CFAP47: variants seen among roughly 807,000 people sequenced by gnomAD.
CFAP47 encodes the protein cilia and flagella associated protein 47, also known as cilia- and flagella-associated protein 47.
A neutral mutation model predicts 148.1 loss-of-function variants in CFAP47; 29 were observed. The observed-to-expected ratio is 0.20, with a 90% CI of 0.15 to 0.27. CFAP47 has a LOEUF of 0.27. CFAP47 is among the 10% of genes least tolerant of loss of function. The pLI is 1.00. For missense variants in CFAP47, 1,872 were observed against 1,697.5 expected (o/e 1.10, Z -1.81); for synonymous variants, 664 against 577.3 (o/e 1.15, Z -2.15).
At chrX:35,985,423 T>C (rs1025725846) in intron 15 of CFAP47, among the ~76,000 whole-genome samples, 2 of 111,066 alleles carry the variant, frequency 1.8e-5, no homozygotes, top group Non-Finnish European at 3.8e-5. Flanking sequence ...CCTGCACACA[T>C]GTCCTGGCAA....
intron 61 of CFAP47, among the ~76,000 whole-genome samples, chrX:36,364,995 T>A (rs1423352482): frequency 1.0e-5 from 1 of 99,006 alleles, no homozygotes; most frequent in African/African-American, 3.6e-5. Context: ...CCAAATTAAT[T>A]TGGAATGGTT....
At chrX:36,083,754 TAAAC>T (rs1415422708) in intron 29 of CFAP47, among the ~76,000 whole-genome samples, 2 of 111,298 alleles carry the variant, frequency 1.8e-5, no homozygotes, top group Non-Finnish European at 3.8e-5. Context: ...AATTGAAAAA[TAAAC>T]AAAATCCTTT....
chrX:35,998,161 C>A (rs949236151), intron 19 of CFAP47, among the ~76,000 whole-genome samples: 2 of 111,390 alleles, frequency 1.8e-5, no homozygotes, highest in African/African-American at 6.5e-5. Flanking sequence ...TTTTGCCAAT[C>A]TATTGAGTAT....
In CFAP47 at chrX:36,371,641, CATATGTGTATAT is replaced by C. The variant is rs1556021450; in HGVS notation, c.9185+4517_9185+4528del. 1.6e-3 allele frequency among the ~76,000 whole-genome samples: 117 copies of C among 71,424 alleles called. 11 individuals carry two copies. Among genetic ancestry groups the C allele is most frequent in the African/African-American group, 5.6e-3 (106 of 18,904 alleles). 62.0% of individuals were successfully genotyped at this position (71,424 alleles called of 115,157 possible). On this transcript the variant is annotated intron_variant, in intron 62 of 63. Transcript: ENST00000378653. The stretch of plus-strand genomic sequence containing the variant: ...TGTGTAATATATGTGTATATACACA[CATATGTGTATAT>C]ATGTGTGTATATACACACATGTGTA...
At chrX:35,924,424 CATATGTGTATATATGTACACCT>C (rs1935691653) in intron 1 of CFAP47, among the ~76,000 whole-genome samples, 2 of 99,665 alleles carry the variant, frequency 2.0e-5, no homozygotes, top group East Asian at 3.2e-4. Context: ...TATATGCACA[CATATGTGTATATATGTACACCT>C]ATATGTGTAT....
chrX:35,947,156 A>G (rs2146638318), intron 3 of CFAP47, among the ~76,000 whole-genome samples: 1 of 111,764 alleles, frequency 8.9e-6, no homozygotes, highest in African/African-American at 3.2e-5. Context: ...TTAGTTAGTT[A>G]CTAACTGTAG....
chrX:36,126,698 T>C (rs1360889531), intron 33 of CFAP47, among the ~76,000 whole-genome samples: 2 of 112,231 alleles, frequency 1.8e-5, no homozygotes, highest in African/African-American at 6.5e-5. Flanking sequence ...GTTGAACTAA[T>C]TTACACTCCC....
chrX:36,175,394 GT>G (rs2146862800), intron 39 of CFAP47, among the ~76,000 whole-genome samples: 1 of 111,851 alleles, frequency 8.9e-6, no homozygotes, highest in Non-Finnish European at 1.9e-5. Flanking sequence ...AGAGTTTCCA[GT>G]TTTTCTGCTC....
At chrX:36,171,820 T>C (rs1939584205) in intron 39 of CFAP47, among the ~76,000 whole-genome samples, 1 of 110,994 alleles carries the variant, frequency 9.0e-6, no homozygotes, top group East Asian at 2.8e-4. Flanking sequence ...AGTAGTTTTT[T>C]CCAATTCTGT....
At chrX:36,064,826 G>C (rs1204083515) in intron 26 of CFAP47, among the ~76,000 whole-genome samples, 1 of 111,969 alleles carries the variant, frequency 8.9e-6, no homozygotes, top group Non-Finnish European at 1.9e-5. Context: ...ATATAAGATA[G>C]ACAGCCCAAA....
chrX:36,043,806 A>G (rs1937433649), intron 25 of CFAP47, among the ~76,000 whole-genome samples: 2 of 112,548 alleles, frequency 1.8e-5, no homozygotes, highest in African/African-American at 6.5e-5. Flanking sequence ...TCAACTAGGC[A>G]GTGTTCCAGT....
At chrX:36,176,277 C>T (rs187422638) in intron 39 of CFAP47, among the ~76,000 whole-genome samples, 19 of 112,308 alleles carry the variant, frequency 1.7e-4, no homozygotes, top group Non-Finnish European at 1.9e-4. Flanking sequence ...CACTCACGCT[C>T]GGAGCTGTAG....
At chrX:36,009,759 T>C (rs1273474603) in intron 21 of CFAP47, among the ~76,000 whole-genome samples, 1 of 112,033 alleles carries the variant, frequency 8.9e-6, no homozygotes, top group Non-Finnish European at 1.9e-5. Context: ...ATTAGGGCAA[T>C]ATGAATGACT....
chrX:36,288,582 T>C (rs1941157573), intron 51 of CFAP47, among the ~76,000 whole-genome samples: 1 of 112,682 alleles, frequency 8.9e-6, no homozygotes, highest in Non-Finnish European at 1.9e-5. Flanking sequence ...ATCATTTATT[T>C]CTTTCTGAGC....
chrX:35,923,985 A>G (rs771394022), intron 1 of CFAP47, among the ~76,000 whole-genome samples: 27 of 102,618 alleles, frequency 2.6e-4, no homozygotes, highest in Non-Finnish European at 4.9e-4. Flanking sequence ...ATGTGTATAT[A>G]TGTACATATA....
intron 45 of CFAP47, among the ~76,000 whole-genome samples, chrX:36,226,896 T>C (rs1383812462): frequency 8.9e-6 from 1 of 111,862 alleles, no homozygotes; most frequent in Non-Finnish European, 1.9e-5. Flanking sequence ...ATAGATATTC[T>C]GCAATTCTTA....
chrX:35,928,339 T>C (rs1307706503), intron 2 of CFAP47, among the ~76,000 whole-genome samples: 1 of 111,324 alleles, frequency 9.0e-6, no homozygotes, highest in East Asian at 2.8e-4. Flanking sequence ...CTTAAAAATT[T>C]TAGCTATTCT....
At chrX:36,074,779 A>G (rs1416534424) in intron 29 of CFAP47, among the ~76,000 whole-genome samples, 1 of 111,148 alleles carries the variant, frequency 9.0e-6, no homozygotes, top group Non-Finnish European at 1.9e-5. Flanking sequence ...TTTGACCAAC[A>G]TCTCTCGGGT....
intron 1 of CFAP47, among the ~76,000 whole-genome samples, chrX:35,923,980 T>C (rs995256170): frequency 5.0e-5 from 5 of 100,306 alleles, no homozygotes; most frequent in Admixed American, 3.2e-4. Flanking sequence ...TATGTATGTG[T>C]ATATATGTAC....
Sources: allele counts gnomAD v4.1 joint callset (sites outside exome capture counted in the v4.1 genomes callset), GRCh38; gene constraint gnomAD v4.1.1; transcripts MANE v1.5; gene names NCBI Gene and HGNC (gene_info 2026-07-23, HGNC 2026-07-21).